GMNC: variants seen among roughly 807,000 people sequenced by gnomAD.
The protein encoded by GMNC is geminin coiled-coil domain containing.
In GMNC, 16 loss-of-function variants were observed where a neutral mutation model predicts 33.6. The ratio of observed to expected loss-of-function variants is 0.48; its 90% CI spans 0.32 to 0.72. The LOEUF (loss-of-function observed/expected upper bound fraction) is 0.72, where lower values mean the gene tolerates loss of function less well. GMNC is among the 30% of genes least tolerant of loss of function. The pLI is 0.03. For synonymous variants in GMNC, 156 were observed against 147.3 expected, an observed-to-expected ratio of 1.06 and a Z score of -0.43; for missense variants, 393 against 388.9, an observed-to-expected ratio of 1.01 and a Z score of -0.09.
intron 2 of GMNC, chr3:190,859,911 T>C: frequency 2.4e-6 from 1 of 416,454 alleles, no homozygotes; most frequent in Non-Finnish European, 4.8e-6. Flanking sequence ...GGGCATTTTG[T>C]TTTTACTGTT....
At chr3:190,849,794 G>A (rs1232187926), downstream of GMNC, among the ~76,000 whole-genome samples, 4 of 152,186 alleles carry the variant, frequency 2.6e-5, no homozygotes, top group Non-Finnish European at 5.9e-5. Flanking sequence ...GTGTTAGAAT[G>A]AGTCAGTTTA....
downstream of GMNC, among the ~76,000 whole-genome samples, chr3:190,848,260 T>C (rs1311177029): frequency 6.6e-6 from 1 of 152,206 alleles, no homozygotes; most frequent in Non-Finnish European, 1.5e-5. Flanking sequence ...AAGCGTCTGC[T>C]GCATTTCAAG....
At chr3:190,856,734 GCTT>G (rs1451007691) in intron 4 of GMNC, among the ~76,000 whole-genome samples, 3 of 151,274 alleles carry the variant, frequency 2.0e-5, no homozygotes, top group Non-Finnish European at 4.4e-5. Context: ...ATACAACACT[GCTT>G]CTTCTTATTT....
At position 190,858,966 on chromosome 3, in the gene GMNC, C is replaced by CT; in HGVS notation, c.228dup (p.Glu77ArgfsTer12). 1 of 1,550,698 alleles carries CT rather than the reference C, an allele frequency of 6.4e-7. No individual in the cohort carries two copies. Among genetic ancestry groups the CT allele is most frequent in the Non-Finnish European group, 8.7e-7 (1 of 1,146,298 alleles). ...TAGAGCTGAGAGGAAAGCTGAGCCTCTTCCCATGAGCACAAGTCCGGAAGA... is the reference window on the plus strand; with the variant it reads ...TAGAGCTGAGAGGAAAGCTGAGCCTCTTTCCCATGAGCACAAGTCCGGAAGA... On this transcript the variant is annotated frameshift_variant, in exon 3 of 5. Transcript: ENST00000442080. LOFTEE classifies it high-confidence loss of function.
chr3:190,849,910 C>T (rs761539933), downstream of GMNC, among the ~76,000 whole-genome samples: 4 of 152,036 alleles, frequency 2.6e-5, no homozygotes, highest in Non-Finnish European at 2.9e-5. Flanking sequence ...ATTTATTTTC[C>T]GTATTAAAGG....
rs777995803 is a variant in GMNC, at chr3:190,858,941, T to C, written c.254A>G (p.Tyr85Cys). 7.8e-6 allele frequency: 12 copies of C among 1,548,034 alleles called. No individual in the cohort carries two copies. In the South Asian group the frequency reaches 1.3e-4, roughly 17 times the overall value. ...ACTTACACATACCTGCTTATTTCTG[T>C]AGAGCTGAGAGGAAAGCTGAGCCTC... ...WEEAQLSSQL[Y>C]RNKQLQDTLV... The change falls in exon 3 of 5, where the codon TAC becomes TGC. Residue 85 changes from tyrosine to cysteine, a missense_variant. Tyr to Cys is a radical substitution (Grantham distance 194, BLOSUM62 -2). Transcript: ENST00000442080.
downstream of GMNC, among the ~76,000 whole-genome samples, chr3:190,850,789 C>T (rs1342547801): frequency 1.3e-5 from 2 of 152,184 alleles, no homozygotes; most frequent in Non-Finnish European, 2.9e-5. Flanking sequence ...CAGGGTTTAT[C>T]TTGGGCCTCA....
chr3:190,859,916 A>C (rs1737825807), intron 2 of GMNC: 7 of 409,086 alleles, frequency 1.7e-5, no homozygotes, highest in South Asian at 1.3e-4. Context: ...TTTTGTTTTT[A>C]CTGTTGCTTG....
chr3:190,844,420 A>G, the GMNC span, among the ~76,000 whole-genome samples: 1 of 151,564 alleles, frequency 6.6e-6, no homozygotes, highest in Non-Finnish European at 1.5e-5. Context: ...TGAAGTTGCA[A>G]TTGTGTTTTT....
chr3:190,848,085 A>G (rs531251592), downstream of GMNC, among the ~76,000 whole-genome samples: 1 of 152,346 alleles, frequency 6.6e-6, no homozygotes, highest in East Asian at 1.9e-4. Flanking sequence ...GATACCTTTA[A>G]TAGTTACCAT....
chr3:190,847,097 A>C, the GMNC span, among the ~76,000 whole-genome samples: 1 of 152,170 alleles, frequency 6.6e-6, no homozygotes, highest in Non-Finnish European at 1.5e-5. Flanking sequence ...ATTCTTACTC[A>C]AAGTTGCTGC....
chr3:190,855,974 T>A, intron 4 of GMNC, 59 bp from the exon 5 acceptor site: 1 of 1,303,658 alleles, frequency 7.7e-7, no homozygotes, highest in East Asian at 2.5e-5. Context: ...TTAACTAAAT[T>A]ATTTCGGAAA....
downstream of GMNC, among the ~76,000 whole-genome samples, chr3:190,851,973 G>A (rs1737642166): frequency 6.6e-6 from 1 of 151,508 alleles, no homozygotes; most frequent in South Asian, 2.1e-4. Context: ...CTGGATGTCT[G>A]GTTATGTTTA....
chr3:190,847,275 G>A, the GMNC span, among the ~76,000 whole-genome samples: 10 of 152,116 alleles, frequency 6.6e-5, no homozygotes, highest in Admixed American at 1.3e-4. Context: ...CTCCAGAAAC[G>A]TCATAGTTTG....
rs1422145706 is a variant in GMNC at position 190,852,833 on chromosome 3, G to A, written c.*2462C>T. The A allele has an allele frequency of 1.3e-5, 2 of 152,084 alleles. No individual in the cohort carries two copies. The highest frequency in any genetic ancestry group is 4.8e-5 in the African/African-American group (2 of 41,422). 9.4% of individuals were successfully genotyped at this position (152,084 alleles called of 1,614,324 possible). A position where few individuals can be genotyped will look rare whatever the true frequency, so the allele number is the denominator to read the frequency against. ...ACTATAGCTTAAAATATTAACTGTG[G>A]TTTACCAGAGAGACATGGTGAAGCC... On this transcript the variant is annotated 3_prime_UTR_variant, in exon 5 of 5. Coordinates refer to ENST00000442080, the MANE Select transcript of GMNC (RefSeq NM_001146686.3).
Position 190,861,130 on chromosome 3 carries a change from A to G in GMNC, c.4-272T>C, listed in dbSNP as rs573696509. 2.0e-5 allele frequency among the ~76,000 whole-genome samples: 3 copies of G among 152,322 alleles called. No individual in the cohort carries two copies. The highest frequency in any genetic ancestry group is 2.0e-4 in the Admixed American group (3 of 15,312). ...AGCATTGAATGGGTGAAATTTGTAC[A>G]TATCCAGGAGGATTGTCTGTTGCAA... On this transcript the variant is annotated intron_variant, in intron 1 of 4. Transcript: ENST00000442080. This position sits in a 1 kb window ranked among gnomAD's most constrained non-coding sequence, Gnocchi z 5.1.
At chr3:190,843,444 G>T in the GMNC span, among the ~76,000 whole-genome samples, 2 of 152,124 alleles carry the variant, frequency 1.3e-5, no homozygotes, top group Non-Finnish European at 2.9e-5. Context: ...AAAAGAGAAA[G>T]CAGGTTGTCA....
rs1470398157 is a variant in GMNC, at chr3:190,857,937, T to C, written c.268-38A>G. ...GACAGTGGTGAAGGCTGCTCCACTATATTGACTTTGTAACCTTATAATAAT... is the reference window on the plus strand; with the variant it reads ...GACAGTGGTGAAGGCTGCTCCACTACATTGACTTTGTAACCTTATAATAAT... On this transcript the variant is annotated intron_variant, in intron 3 of 4. Transcript: ENST00000442080. The C allele has an allele frequency of 2.7e-6, 3 of 1,096,360 alleles. No individual in the cohort carries two copies. In the African/African-American group the frequency reaches 4.7e-5, roughly 17 times the overall value. 67.9% of individuals were successfully genotyped at this position (1,096,360 alleles called of 1,614,324 possible).
At position 190,862,374 on chromosome 3, in the gene GMNC, G is replaced by GAGA. The variant is rs1560039149; in HGVS notation, c.3+238_3+239insTCT. Among the ~76,000 whole-genome samples, 1 of 150,264 alleles carries GAGA rather than the reference G, an allele frequency of 6.7e-6. No homozygotes were observed. The highest frequency in any genetic ancestry group is 2.5e-5 in the African/African-American group (1 of 40,524). On this transcript the variant is annotated intron_variant, in intron 1 of 4. Coordinates refer to ENST00000442080, the MANE Select transcript of GMNC (RefSeq NM_001146686.3). The surrounding 1 kb of genome is among the most constrained non-coding windows in gnomAD (Gnocchi z 4.5). ...TAGTAATAACAGAAAGAGAGAGAGA[G>GAGA]GGCGAGAGAGAGAAAGGAGAGAAAG...
Sources: allele counts gnomAD v4.1 joint callset (sites outside exome capture counted in the v4.1 genomes callset), GRCh38; gene constraint gnomAD v4.1.1; non-coding constraint Gnocchi (gnomAD v3.1); transcripts MANE v1.5; gene names NCBI Gene and HGNC (gene_info 2026-07-23, HGNC 2026-07-21).